ALPK1: variants seen among roughly 807,000 people sequenced by gnomAD.
ALPK1 encodes the protein alpha-protein kinase 1.
ALPK1 carries 110 observed loss-of-function variants against 120.6 expected under a neutral mutation model. The observed-to-expected ratio is 0.91, with a 90% confidence interval of 0.78 to 1.07. ALPK1 has a LOEUF of 1.07. Ranked by LOEUF, ALPK1 falls within the 50% of genes least tolerant of loss-of-function variation. The pLI is 0.00. For missense variants in ALPK1, 1,498 were observed against 1,483.9 expected (o/e 1.01, Z -0.16); for synonymous variants, 582 against 560.3 (o/e 1.04, Z -0.55).
chr4:112,327,864 C>T (rs1279207865), intron 2 of ALPK1, among the ~76,000 whole-genome samples: 1 of 152,122 alleles, frequency 6.6e-6, no homozygotes, highest in Non-Finnish European at 1.5e-5. Flanking sequence ...ACCCTCAATC[C>T]CTGAGTGGTA....
chr4:112,419,317 A>T (rs1194667297), intron 5 of ALPK1, among the ~76,000 whole-genome samples: 1 of 152,190 alleles, frequency 6.6e-6, no homozygotes, highest in East Asian at 1.9e-4. Flanking sequence ...ATATGTGGAA[A>T]GCCTGCTATG....
intron 2 of ALPK1, among the ~76,000 whole-genome samples, chr4:112,373,841 A>G (rs567512692): frequency 6.6e-6 from 1 of 152,366 alleles, no homozygotes; most frequent in African/African-American, 2.4e-5. Context: ...CAATCATACT[A>G]TGTCTAAAAA....
At chr4:112,395,069 G>GCAA (rs1260066437) in intron 4 of ALPK1, among the ~76,000 whole-genome samples, 1 of 152,154 alleles carries the variant, frequency 6.6e-6, no homozygotes, top group Non-Finnish European at 1.5e-5. Flanking sequence ...ACCTTTGTAT[G>GCAA]CAACAAACGT....
chr4:112,332,317 G>A (rs753619759), intron 2 of ALPK1, among the ~76,000 whole-genome samples: 5 of 152,166 alleles, frequency 3.3e-5, no homozygotes, highest in Non-Finnish European at 7.3e-5. Context: ...AGAACTGGAC[G>A]CAAGAAGGTA....
chr4:112,384,973 C>T (rs1732088643), intron 4 of ALPK1: 2 of 152,202 alleles, frequency 1.3e-5, no homozygotes, highest in African/African-American at 4.8e-5. Context: ...ACTTTACAAA[C>T]CTTCCAAGGA....
At chr4:112,310,017 A>T (rs997430482) in intron 1 of ALPK1, among the ~76,000 whole-genome samples, 3 of 152,112 alleles carry the variant, frequency 2.0e-5, no homozygotes, top group African/African-American at 7.3e-5. Context: ...CTTTTTGAAG[A>T]TCAAGACTAT....
chr4:112,346,880 T>A lies in ALPK1; in HGVS notation c.-100-30798T>A, dbSNP rs573713274. Reference sequence around the variant, plus strand: ...GTTTATTGTAATGGGAAGAGTCCACTGTGCTCATAAATAACGACCCCACTT... The same window carrying A: ...GTTTATTGTAATGGGAAGAGTCCACAGTGCTCATAAATAACGACCCCACTT... On this transcript the variant is annotated intron_variant, in intron 2 of 15. Transcript: ENST00000650871. Among the ~76,000 whole-genome samples the A allele has an allele frequency of 4.6e-5, 7 of 152,352 alleles. No homozygotes were observed. In the South Asian group the frequency reaches 1.0e-3, roughly 23 times the overall value.
In ALPK1 at chr4:112,345,261, G is replaced by A. The variant is rs181920798; in HGVS notation, c.-101+29409G>A. Among the ~76,000 whole-genome samples, 19 of 152,234 alleles carry A rather than the reference G, an allele frequency of 1.2e-4. No homozygotes were observed. In the East Asian group the frequency reaches 3.7e-3, roughly 29 times the overall value. On this transcript the variant is annotated intron_variant, in intron 2 of 15. Transcript: ENST00000650871. ...ATTTTTGCACCACATTTAACTTTTT[G>A]TTTGTATTTTGCTTAAGATAATATT... is the stretch of plus-strand genomic sequence containing the variant.
intron 5 of ALPK1, among the ~76,000 whole-genome samples, chr4:112,422,390 G>GT (rs1402890286): frequency 1.3e-5 from 2 of 151,976 alleles, no homozygotes; most frequent in Non-Finnish European, 2.9e-5. Context: ...TCCTTCCTGG[G>GT]TATCTCCCTA....
At chr4:112,302,957 G>T (rs1289509205) in intron 1 of ALPK1, among the ~76,000 whole-genome samples, 1 of 152,104 alleles carries the variant, frequency 6.6e-6, no homozygotes, top group African/African-American at 2.4e-5. Flanking sequence ...CACAAAGGCT[G>T]CTTTTTAGAC....
intron 2 of ALPK1, chr4:112,352,913 CCTTT>C (rs1407323601): frequency 1.3e-5 from 2 of 149,320 alleles, no homozygotes; most frequent in Non-Finnish European, 3.0e-5. Context: ...TTTCTTTCTT[CCTTT>C]CTTTCTCTCT....
At chr4:112,361,831 C>T (rs762901244) in intron 2 of ALPK1, among the ~76,000 whole-genome samples, 1 of 152,240 alleles carries the variant, frequency 6.6e-6, no homozygotes, top group Non-Finnish European at 1.5e-5. Context: ...CTCACTGAGT[C>T]CACTTCATTC....
chr4:112,354,267 C>T (rs1408171475), intron 2 of ALPK1, among the ~76,000 whole-genome samples: 2 of 151,164 alleles, frequency 1.3e-5, no homozygotes, highest in Non-Finnish European at 2.9e-5. Flanking sequence ...AAATTTATTT[C>T]CTAATGAAAG....
Position 112,430,632 on chromosome 4 carries a change from C to T in ALPK1, c.1085C>T (p.Thr362Ile). The stretch of plus-strand genomic sequence containing the variant: ...TTTGTCAAAGCTGCTTTCGGTCTCA[C>T]CACAGTGCACAGAAGGCTCCATGGG... ...HSFVKAAFGL[T>I]TVHRRLHGET... Residue 362 changes from threonine to isoleucine, a missense_variant, in exon 11 of 16, where the codon ACC becomes ATC. By Grantham distance (89) the Thr-to-Ile change is moderately conservative (BLOSUM62 -1). Coordinates refer to ENST00000650871, the MANE Select transcript of ALPK1 (RefSeq NM_025144.4). 3.1e-6 allele frequency: 5 copies of T among 1,614,128 alleles called. No individual in the cohort carries two copies. The highest frequency in any genetic ancestry group is 1.3e-5 in the African/African-American group (1 of 75,026).
At chr4:112,356,702 C>G in intron 2 of ALPK1, 1 of 977,010 alleles carries the variant, frequency 1.0e-6, no homozygotes. Flanking sequence ...CAGCCCCATC[C>G]TGGACATCGA....
rs200774638 is a variant in ALPK1 at position 112,439,843 on chromosome 4, A to G, written c.3509A>G (p.Asn1170Ser). The G allele has an allele frequency of 6.2e-7, 1 of 1,610,276 alleles. No individual in the cohort carries two copies. Among genetic ancestry groups the G allele is most frequent in the African/African-American group, 1.3e-5 (1 of 74,838 alleles). The change falls in exon 14 of 16, where the codon AAT (asparagine) becomes AGT (serine). Residue 1170 changes from asparagine to serine, a missense_variant. Coordinates refer to ENST00000650871, the MANE Select transcript of ALPK1 (RefSeq NM_025144.4). ...GGCCATTTTTCTTATGAGTTTTCTA[A>G]TCATAGAGATGTTGTGGTCGATTTA... ...AYGHFSYEFSNHRDVVVDLQG... is the reference protein window; with the variant it reads ...AYGHFSYEFSSHRDVVVDLQG...
intron 4 of ALPK1, among the ~76,000 whole-genome samples, chr4:112,392,367 C>T (rs1732457198): frequency 6.6e-6 from 1 of 152,148 alleles, no homozygotes; most frequent in Non-Finnish European, 1.5e-5. Context: ...TCATTTGTTA[C>T]CAAATTCTAA....
chr4:112,405,866 C>T (rs1419982253), intron 4 of ALPK1, among the ~76,000 whole-genome samples: 1 of 152,156 alleles, frequency 6.6e-6, no homozygotes, highest in African/African-American at 2.4e-5. Context: ...TGAGCCACAA[C>T]ACTCTGCCAA....
chr4:112,403,498 G>A (rs1297732705), intron 4 of ALPK1, among the ~76,000 whole-genome samples: 1 of 152,216 alleles, frequency 6.6e-6, no homozygotes, highest in Non-Finnish European at 1.5e-5. Context: ...CTTGGAGAGA[G>A]ATGCGAGAGG....
Sources: gnomAD v4.1 joint callset for allele counts (sites outside exome capture counted in the v4.1 genomes callset) on GRCh38, gnomAD v4.1.1 for gene constraint, MANE v1.5 for transcripts, NCBI Gene and HGNC (gene_info 2026-07-23, HGNC 2026-07-21) for gene names.